Variants in KIF21B observed in about 807,000 individuals in gnomAD.
KIF21B encodes kinesin-like protein KIF21B.
A neutral mutation model predicts 192.9 loss-of-function variants in KIF21B; 85 were observed. The ratio of observed to expected loss-of-function variants is 0.44; its 90% confidence interval spans 0.37 to 0.53. The LOEUF (loss-of-function observed/expected upper bound fraction) is 0.53. Among genes scored for constraint, KIF21B ranks in the 20% least tolerant of loss-of-function variants. The pLI is 0.00. For missense variants in KIF21B, 1,716 were observed against 2,194.8 expected, an observed-to-expected ratio of 0.78 and a Z score of 4.36; for synonymous variants, 832 against 884.6, an observed-to-expected ratio of 0.94 and a Z score of 1.05.
At position 201,000,545 on chromosome 1, in the gene KIF21B, C is replaced by T. The variant is rs1423231171; in HGVS notation, c.1530G>A (p.Ser510=). 5.0e-6 allele frequency: 8 copies of T among 1,613,020 alleles called. No homozygotes were observed. Among genetic ancestry groups the T allele is most frequent in the East Asian group, 2.2e-5 (1 of 44,878 alleles). Residue 510 remains serine, a synonymous_variant, in exon 11 of 35, where the codon TCG becomes TCA. Coordinates refer to ENST00000461742, the MANE Select transcript of KIF21B (RefSeq NM_001252102.2). This position sits in a 1 kb window ranked among gnomAD's most constrained non-coding sequence, Gnocchi z 6.0. Reference sequence around the variant, plus strand: ...CACCCAGGGAGTAGGGGCTCCTAGCCGAGGCCCGTGAGAGGCTGCGGCGCA... The same window carrying T: ...CACCCAGGGAGTAGGGGCTCCTAGCTGAGGCCCGTGAGAGGCTGCGGCGCA... ...ESLRRSLSRA[S]ARSPYSLGAS...
chr1:200,974,830 C>T lies in KIF21B; in HGVS notation c.4698G>A (p.Ala1566=), dbSNP rs751378190. ...GRPMLLSACR[A]GVIKVWNVDN... is the part of the protein sequence containing the mutation. ...CCACGTTCCAGACCTTGATGACACCCGCACGGCAGGCGCTGAGCAGCATGG... is the reference window on the plus strand; with the variant it reads ...CCACGTTCCAGACCTTGATGACACCTGCACGGCAGGCGCTGAGCAGCATGG... The change falls in exon 34 of 35, where the codon GCG becomes GCA. Residue 1566 remains alanine (A), a synonymous_variant. Transcript: ENST00000461742. 3.0e-5 allele frequency: 49 copies of T among 1,614,238 alleles called. No individual in the cohort carries two copies. Among genetic ancestry groups the T allele is most frequent in the Middle Eastern group, 3.3e-4 (2 of 6,062 alleles).
Position 200,974,137 on chromosome 1 carries a change from G to A in KIF21B, c.4815-559C>T, listed in dbSNP as rs144008675. The A allele has an allele frequency of 1.8e-4, 296 of 1,601,160 alleles. 2 individuals carry two copies. The highest frequency in any genetic ancestry group is 1.4e-3 in the Middle Eastern group (8 of 5,692). The stretch of plus-strand genomic sequence containing the variant: ...CGCGGCCCTTTATGGCCAGGACTCG[G>A]CGAGGAAGGCAGGGGGTGAGTCCAG... On this transcript the variant is annotated intron_variant, in intron 34 of 34. Coordinates refer to ENST00000461742, the MANE Select transcript of KIF21B (RefSeq NM_001252102.2).
chr1:200,999,864 G>T lies in KIF21B; in HGVS notation c.1767+19C>A. 6.2e-7 allele frequency: 1 copy of T among 1,612,504 alleles called. No homozygotes were observed. ...ACAAGGCATGCATGTGGTGAGGTGG[G>T]GCGGCCCGTGCTCCTCACCTCCTCC... On this transcript the variant is annotated intron_variant, in intron 12 of 34. Coordinates refer to ENST00000461742, the MANE Select transcript of KIF21B (RefSeq NM_001252102.2). The surrounding 1 kb of genome is among the most constrained non-coding windows in gnomAD (Gnocchi z 4.7).
intron 8 of KIF21B, chr1:201,002,861 G>T: frequency 6.4e-6 from 1 of 156,860 alleles, no homozygotes; most frequent in Admixed American, 6.1e-5. Context: ...TTTTCAGAAA[G>T]GTTGACAACT....
Position 200,989,928 on chromosome 1 carries a change from C to A in KIF21B, c.3132+14G>T, listed in dbSNP as rs983533330. 6 of 1,604,436 alleles carry A rather than the reference C, an allele frequency of 3.7e-6. No homozygotes were observed. The highest frequency in any genetic ancestry group is 5.1e-6 in the Non-Finnish European group (6 of 1,171,518). On this transcript the variant is annotated intron_variant, in intron 21 of 34. Transcript: ENST00000461742. ...GCCCATAGAGCCCCCTGCCCATGTA[C>A]GCTCCCAGCTTACCTTGTCAATGGA...
At position 200,974,929 on chromosome 1, in the gene KIF21B, G is replaced by A. The variant is rs296565; in HGVS notation, c.4615-16C>T. 270,749 of 1,610,992 alleles carry A rather than the reference G, an allele frequency of 0.17. 23,987 individuals are homozygous for A. Among genetic ancestry groups the A allele is most frequent in the Middle Eastern group, 0.2 (1,138 of 5,778 alleles). On this transcript the variant is annotated splice_polypyrimidine_tract_variant and intron_variant, in intron 33 of 34. Transcript: ENST00000461742. The stretch of plus-strand genomic sequence containing the variant: ...TGGGGATTTGCTGTGAGAGGATCAG[G>A]GCTGGTGAGGGCTGGGGGAGGTGAT...
intron 14 of KIF21B, among the ~76,000 whole-genome samples, chr1:200,997,968 G>C (rs1657186905): frequency 6.6e-6 from 1 of 152,148 alleles, no homozygotes; most frequent in African/African-American, 2.4e-5. Flanking sequence ...TATTCAACAT[G>C]TGTTTGCTGA....
chr1:200,983,100 G>A lies in KIF21B; in HGVS notation c.3804-6C>T, dbSNP rs757607398. On this transcript the variant is annotated splice_polypyrimidine_tract_variant and splice_region_variant and intron_variant, in intron 27 of 34. Coordinates refer to ENST00000461742, the MANE Select transcript of KIF21B (RefSeq NM_001252102.2). ...AGGAGTCGCTGTCATCAGACCTGGG[G>A]AGGGCAGAAAATTAGCTGGATTAGG... 6.5e-7 allele frequency: 1 copy of A among 1,536,062 alleles called. No individual in the cohort carries two copies. The highest frequency in any genetic ancestry group is 1.2e-5 in the South Asian group (1 of 84,050).
rs757754419 is a variant in KIF21B, at chr1:200,992,393, G to A, written c.2278-4C>T. 51 of 1,612,094 alleles carry A rather than the reference G, an allele frequency of 3.2e-5. No homozygotes were observed. The highest frequency in any genetic ancestry group is 4.1e-5 in the Non-Finnish European group (48 of 1,179,988). On this transcript the variant is annotated splice_region_variant and splice_polypyrimidine_tract_variant and intron_variant, in intron 15 of 34. Transcript: ENST00000461742. ...GCATCTGCTTCATCAGGGCCACCTG[G>A]GATGGGCAGAGATTATGGTGGTGAG...
At chr1:200,981,210 T>G in intron 28 of KIF21B, 114 bp from the exon 29 acceptor site, 1 of 1,138,222 alleles carries the variant, frequency 8.8e-7, no homozygotes, top group Non-Finnish European at 1.2e-6. Flanking sequence ...GAGGACCAAA[T>G]AACAGAGACT....
chr1:201,023,439 T>G lies in KIF21B; in HGVS notation c.-56A>C. ...TCAGAGGCGGGGGTCTGGGGGCCAA[T>G]GCCCGAGGCAGCGGCTGCGGCTGCG... On this transcript the variant is annotated 5_prime_UTR_variant, in exon 1 of 35. Coordinates refer to ENST00000461742, the MANE Select transcript of KIF21B (RefSeq NM_001252102.2). This position sits in a 1 kb window ranked among gnomAD's most constrained non-coding sequence, Gnocchi z 5.9. 3 of 1,276,384 alleles carry G rather than the reference T, an allele frequency of 2.4e-6. No homozygotes were observed. Among genetic ancestry groups the G allele is most frequent in the Non-Finnish European group, 3.0e-6 (3 of 989,666 alleles). The allele number at this position is 1,276,384 out of a possible 1,614,324, so 79.1% of individuals were successfully genotyped here. A position where few individuals can be genotyped will look rare whatever the true frequency, so the allele number is the denominator to read the frequency against.
intron 3 of KIF21B, among the ~76,000 whole-genome samples, chr1:201,007,311 G>C (rs1241677230): frequency 2.8e-5 from 2 of 72,144 alleles, no homozygotes; most frequent in African/African-American, 6.8e-5. Context: ...CACAGACACG[G>C]ACACAGAGAC....
Position 200,969,786 on chromosome 1 carries a change from C to G in KIF21B, c.*3735G>C, listed in dbSNP as rs1258595429. The G allele has an allele frequency of 6.6e-6, 1 of 152,374 alleles. No individual in the cohort carries two copies. The highest frequency in any genetic ancestry group is 1.5e-5 in the Non-Finnish European group (1 of 68,106). 9.4% of individuals were successfully genotyped at this position (152,374 alleles called of 1,614,324 possible). A position where few individuals can be genotyped will look rare whatever the true frequency, so the allele number is the denominator to read the frequency against. ...TGAGTGCTGGGGATGGGGCAGGGGA[C>G]AGAACAAAGGTATCAAAGAAGAAAC... is the stretch of plus-strand genomic sequence containing the variant. On this transcript the variant is annotated 3_prime_UTR_variant, in exon 35 of 35. Transcript: ENST00000461742.
chr1:201,017,615 C>T lies in KIF21B; in HGVS notation c.41+5728G>A, dbSNP rs771975050. Among the ~76,000 whole-genome samples the T allele has an allele frequency of 2.0e-4, 31 of 152,320 alleles. No homozygotes were observed. Among genetic ancestry groups the T allele is most frequent in the Admixed American group, 9.1e-4 (14 of 15,302 alleles). On this transcript the variant is annotated intron_variant, in intron 1 of 34. Transcript: ENST00000461742. The surrounding 1 kb of genome is among the most constrained non-coding windows in gnomAD (Gnocchi z 4.1). Reference sequence around the variant, plus strand: ...CAGTGGGGACTGGGCCCTGGGGATGCTCCCCTGCTGAGGAATGCAGAGCAA... The same window carrying T: ...CAGTGGGGACTGGGCCCTGGGGATGTTCCCCTGCTGAGGAATGCAGAGCAA...
At chr1:200,996,062 C>T in intron 15 of KIF21B, 134 bp downstream of exon 15, 1 of 946,008 alleles carries the variant, frequency 1.1e-6, no homozygotes, top group Non-Finnish European at 1.7e-6. Context: ...AAGACAGGGT[C>T]AAACTAGGTT....
In KIF21B at chr1:200,986,856, C is replaced by A; in HGVS notation, c.3677G>T (p.Gly1226Val). ...AACATGATCTCACCTAATGGGCTGC[C>A]CTCGGTCGTAGGACTTCCTTCTCGT... ...PLTRRKSYDR[G>V]QPIRSTDVGF... Residue 1226 changes from glycine (G) to valine (V), a missense_variant, in exon 26 of 35, where the codon GGG becomes GTG. By Grantham distance (109) the Gly-to-Val change is moderately radical. This residue lies in a region of KIF21B where 580 missense variants were observed against 775.5 expected (regional missense o/e 0.75). Transcript: ENST00000461742. 6.2e-7 allele frequency: 1 copy of A among 1,613,492 alleles called. No homozygotes were observed. The highest frequency in any genetic ancestry group is 8.5e-7 in the Non-Finnish European group (1 of 1,179,636).
At position 200,998,156 on chromosome 1, in the gene KIF21B, T is replaced by C. The variant is rs539284733; in HGVS notation, c.2077+228A>G. On this transcript the variant is annotated intron_variant, in intron 14 of 34. Coordinates refer to ENST00000461742, the MANE Select transcript of KIF21B (RefSeq NM_001252102.2). This position sits in a 1 kb window ranked among gnomAD's most constrained non-coding sequence, Gnocchi z 4.3. ...TGCCTAGGTATATAAAGAATTCTAA[T>C]ACATGACGTGATAGCAAAGAAAAAA... 6.6e-6 allele frequency among the ~76,000 whole-genome samples: 1 copy of C among 152,288 alleles called. No individual in the cohort carries two copies. Among genetic ancestry groups the C allele is most frequent in the Non-Finnish European group, 1.5e-5 (1 of 68,028 alleles).
intron 7 of KIF21B, 74 bp downstream of exon 7, chr1:201,004,266 T>C (rs1028860417): frequency 8.7e-6 from 11 of 1,268,046 alleles, no homozygotes; most frequent in African/African-American, 1.5e-5. Flanking sequence ...GCTTGCGCCA[T>C]ACCCACACAG....
At position 200,972,462 on chromosome 1, in the gene KIF21B, C is replaced by G. The variant is rs1031491826; in HGVS notation, c.*1059G>C. ...GCCCACGCAGGACTGTGGGGCAGAA[C>G]CCCGGGGCCTGGGCTGTGGGGTGAG... On this transcript the variant is annotated 3_prime_UTR_variant, in exon 35 of 35. Coordinates refer to ENST00000461742, the MANE Select transcript of KIF21B (RefSeq NM_001252102.2). 1.3e-5 allele frequency: 2 copies of G among 152,322 alleles called. No homozygotes were observed. The highest frequency in any genetic ancestry group is 4.8e-5 in the African/African-American group (2 of 41,444). 9.4% of individuals were successfully genotyped at this position (152,322 alleles called of 1,614,324 possible). A position where few individuals can be genotyped will look rare whatever the true frequency, so the allele number is the denominator to read the frequency against.
Sources: allele counts gnomAD v4.1 joint callset (sites outside exome capture counted in the v4.1 genomes callset), GRCh38; gene constraint gnomAD v4.1.1; regional missense constraint gnomAD v4.1.1; non-coding constraint Gnocchi (gnomAD v3.1); transcripts MANE v1.5; gene names NCBI Gene and HGNC (gene_info 2026-07-23, HGNC 2026-07-21).